Variants in SLC4A1AP observed in about 807,000 individuals in gnomAD.
SLC4A1AP encodes kanadaptin.
A neutral mutation model predicts 89.7 loss-of-function variants in SLC4A1AP; 64 were observed. The observed-to-expected ratio is 0.71, with a 90% CI of 0.58 to 0.88. SLC4A1AP has a LOEUF of 0.88. Ranked by LOEUF, SLC4A1AP falls within the 40% of genes least tolerant of loss-of-function variation. The pLI, the probability that SLC4A1AP is intolerant of heterozygous loss-of-function variation, is 0.00. For synonymous variants in SLC4A1AP, 366 were observed against 353.3 expected (o/e 1.04, Z -0.40); for missense variants, 931 against 965.0 (o/e 0.96, Z 0.47).
intron 6 of SLC4A1AP, 39 bp from the exon 7 acceptor site, chr2:27,677,256 A>G: frequency 1.5e-6 from 2 of 1,334,840 alleles, no homozygotes; most frequent in Non-Finnish European, 1.1e-6. Context: ...AGTTTGAAAG[A>G]AGAAAAACTT....
chr2:27,677,764 T>G, exon 8 of SLC4A1AP: 1 of 1,607,402 alleles, frequency 6.2e-7, no homozygotes, highest in South Asian at 1.1e-5. Context: ...ATCTCAGGAT[T>G]CTTTAGATGC....
At chr2:27,685,678 C>G (rs1284883006) in intron 10 of SLC4A1AP, among the ~76,000 whole-genome samples, 1 of 152,116 alleles carries the variant, frequency 6.6e-6, no homozygotes, top group Non-Finnish European at 1.5e-5. Flanking sequence ...AAAACAGAGG[C>G]CAAACCATAA....
chr2:27,671,257 G>A (rs1165337486), intron 5 of SLC4A1AP, among the ~76,000 whole-genome samples: 1 of 152,068 alleles, frequency 6.6e-6, no homozygotes, highest in African/African-American at 2.4e-5. Flanking sequence ...AGAGTATGGT[G>A]TTATATTTTT....
intron 12 of SLC4A1AP, among the ~76,000 whole-genome samples, chr2:27,690,359 TG>T (rs1437383464): frequency 1.3e-5 from 2 of 152,216 alleles, no homozygotes; most frequent in Non-Finnish European, 2.9e-5. Context: ...TGTATGCCTT[TG>T]CATACCCATA....
intron 12 of SLC4A1AP, among the ~76,000 whole-genome samples, chr2:27,690,045 A>T (rs145812244): frequency 6.2e-4 from 94 of 152,306 alleles, no homozygotes; most frequent in African/African-American, 2.1e-3. Context: ...ATATTCCCCC[A>T]AGTAGGTTAC....
At chr2:27,685,320 T>A in intron 10 of SLC4A1AP, 43 bp downstream of exon 10, 1 of 1,564,160 alleles carries the variant, frequency 6.4e-7, no homozygotes, top group South Asian at 1.2e-5. Context: ...AGTGGGCAGT[T>A]ACATTGATTG....
chr2:27,685,126 G>A (rs367739496), exon 10 of SLC4A1AP: 1 of 1,613,672 alleles, frequency 6.2e-7, no homozygotes, highest in Non-Finnish European at 8.5e-7. Context: ...AAGAGGAAGA[G>A]GAAGAAGAGA....
At chr2:27,665,257 G>C (rs1457618901) in exon 2 of SLC4A1AP, 1 of 1,611,532 alleles carries the variant, frequency 6.2e-7, no homozygotes, top group African/African-American at 1.3e-5. Flanking sequence ...ATAAATGCTG[G>C]TAGCCAAGAT....
At chr2:27,688,722 A>G (rs746643549) in exon 12 of SLC4A1AP, 2 of 1,604,842 alleles carry the variant, frequency 1.2e-6, no homozygotes, top group Non-Finnish European at 1.7e-6. Context: ...AATATGAGAA[A>G]AGCAGAGGTG....
In SLC4A1AP at chr2:27,679,268, A is replaced by G. The variant is rs953371959; in HGVS notation, c.1763+1344A>G. ...GCATTGTTTGTATTAATAGTAGTAA[A>G]AAATTAGAAATCCCCTAAATGTTTA... On this transcript the variant is annotated intron_variant, in intron 8 of 13. Coordinates refer to ENST00000613058, the Ensembl canonical transcript of SLC4A1AP. Among the ~76,000 whole-genome samples the G allele has an allele frequency of 4.6e-5, 7 of 152,212 alleles. No homozygotes were observed. In the South Asian group the frequency reaches 8.3e-4, roughly 18 times the overall value.
At chr2:27,685,402 T>C in intron 10 of SLC4A1AP, 125 bp downstream of exon 10, 4 of 1,238,130 alleles carry the variant, frequency 3.2e-6, no homozygotes, top group Non-Finnish European at 4.3e-6. Flanking sequence ...ACTGACTCTG[T>C]AGCAAGGAAA....
intron 5 of SLC4A1AP, among the ~76,000 whole-genome samples, chr2:27,674,228 T>C (rs1675478861): frequency 6.6e-6 from 1 of 152,160 alleles, no homozygotes; most frequent in South Asian, 2.1e-4. Flanking sequence ...GCTTTGGTCC[T>C]ATGACTATCC....
chr2:27,669,150 C>T, intron 4 of SLC4A1AP, 98 bp from the exon 5 acceptor site: 1 of 1,274,008 alleles, frequency 7.8e-7, no homozygotes, highest in South Asian at 1.5e-5. Context: ...GACTGAAAGG[C>T]CATCTAAAAA....
intron 12 of SLC4A1AP, 30 bp downstream of exon 12, chr2:27,688,797 A>T (rs1383109758): frequency 6.5e-7 from 1 of 1,534,208 alleles, no homozygotes; most frequent in East Asian, 2.3e-5. Flanking sequence ...GGGAGTAAAA[A>T]TGAATCCCTT....
intron 2 of SLC4A1AP, 67 bp downstream of exon 2, chr2:27,665,362 T>A (rs1450855732): frequency 2.7e-5 from 36 of 1,347,168 alleles, no homozygotes; most frequent in Non-Finnish European, 3.4e-5. Context: ...CCCTTAAATG[T>A]TTTTTTAAAT....
chr2:27,677,329 C>A, exon 7 of SLC4A1AP: 1 of 1,613,474 alleles, frequency 6.2e-7, no homozygotes, highest in Non-Finnish European at 8.5e-7. Flanking sequence ...AGGGAACTTT[C>A]TGAAATTTCT....
chr2:27,667,637 C>A (rs1395062258), intron 3 of SLC4A1AP, among the ~76,000 whole-genome samples: 1 of 152,042 alleles, frequency 6.6e-6, no homozygotes, highest in African/African-American at 2.4e-5. Context: ...AAAGGAAGTA[C>A]TTTTTCCTGA....
intron 7 of SLC4A1AP, 125 bp from the exon 8 acceptor site, chr2:27,677,613 A>T: frequency 1.3e-6 from 1 of 776,342 alleles, no homozygotes; most frequent in Non-Finnish European, 2.0e-6. Context: ...CCTGTTCCTT[A>T]TTCCTATTAC....
chr2:27,675,963 CAAAAG>C (rs1365841948), intron 6 of SLC4A1AP, among the ~76,000 whole-genome samples: 2 of 152,098 alleles, frequency 1.3e-5, no homozygotes, highest in Non-Finnish European at 2.9e-5. Context: ...TTACCTCTCT[CAAAAG>C]GAAAGGAAAA....
Sources: allele counts gnomAD v4.1 joint callset (sites outside exome capture counted in the v4.1 genomes callset), GRCh38; gene constraint gnomAD v4.1.1; transcripts MANE v1.5; gene names NCBI Gene and HGNC (gene_info 2026-07-23, HGNC 2026-07-21).